Variants in HECW2 observed in about 807,000 individuals in gnomAD.
HECW2 encodes the protein E3 ubiquitin-protein ligase HECW2.
A neutral mutation model predicts 175.2 loss-of-function variants in HECW2; 61 were observed. The observed-to-expected ratio is 0.35, with a 90% confidence interval of 0.28 to 0.43. The LOEUF (loss-of-function observed/expected upper bound fraction) is 0.43, where lower values mean the gene tolerates loss of function less well. Ranked by LOEUF, HECW2 falls within the 20% of genes least tolerant of loss-of-function variation. HECW2 has a pLI of 1.00. For missense variants in HECW2, 1,524 were observed against 2,000.5 expected (o/e 0.76, Z 4.54); for synonymous variants, 671 against 731.0 (o/e 0.92, Z 1.32).
intron 2 of HECW2, among the ~76,000 whole-genome samples, chr2:196,347,731 GCCTTC>G (rs1319899740): frequency 6.6e-6 from 1 of 152,198 alleles, no homozygotes; most frequent in Non-Finnish European, 1.5e-5. Context: ...CCATCCTTTG[GCCTTC>G]ATAAGGAAGG....
chr2:196,352,971 C>T (rs894103945), intron 2 of HECW2, among the ~76,000 whole-genome samples: 1 of 152,218 alleles, frequency 6.6e-6, no homozygotes, highest in Admixed American at 6.5e-5. Context: ...TGTCTCTCTT[C>T]TGTTCAGTGG....
In HECW2 at chr2:196,477,320, T is replaced by A. The variant is rs185149303; in HGVS notation, c.-35-43862A>T. ...AATTTGGTCTATTCAATTCATCAAA[T>A]TGCTGCCATTAAAAAACATCAAACT... On this transcript the variant is annotated intron_variant, in intron 1 of 28. Coordinates refer to ENST00000644978, the MANE Select transcript of HECW2 (RefSeq NM_001348768.2). Among the ~76,000 whole-genome samples, 90 of 152,330 alleles carry A rather than the reference T, an allele frequency of 5.9e-4. No individual in the cohort carries two copies. In the East Asian group the frequency reaches 9.3e-3, roughly 16 times the overall value.
At chr2:196,378,812 A>G (rs1694121789) in intron 2 of HECW2, among the ~76,000 whole-genome samples, 1 of 152,208 alleles carries the variant, frequency 6.6e-6, no homozygotes, top group South Asian at 2.1e-4. Context: ...AAAACATTAG[A>G]CAAAAAAATC....
intron 1 of HECW2, among the ~76,000 whole-genome samples, chr2:196,473,055 A>G (rs1349019640): frequency 6.6e-6 from 1 of 152,256 alleles, no homozygotes; most frequent in African/African-American, 2.4e-5. Context: ...CCACACTCCC[A>G]TAATAGATAA....
chr2:196,541,177 T>A (rs979265411), intron 1 of HECW2, among the ~76,000 whole-genome samples: 3 of 152,118 alleles, frequency 2.0e-5, no homozygotes, highest in Admixed American at 6.6e-5. Context: ...TCTGTACCTA[T>A]CAGCTGGGTT....
chr2:196,300,456 A>C (rs1691002489), intron 13 of HECW2, among the ~76,000 whole-genome samples: 1 of 152,246 alleles, frequency 6.6e-6, no homozygotes, highest in Non-Finnish European at 1.5e-5. Context: ...TGTAAGTCTA[A>C]TATTCAAAAA....
chr2:196,489,342 A>C (rs1422703364), intron 1 of HECW2, among the ~76,000 whole-genome samples: 1 of 152,216 alleles, frequency 6.6e-6, no homozygotes, highest in East Asian at 1.9e-4. Flanking sequence ...TTTCTGCAAC[A>C]AAGTACTGTT....
chr2:196,324,033 C>G (rs1195777297), intron 6 of HECW2, among the ~76,000 whole-genome samples: 5 of 150,520 alleles, frequency 3.3e-5, no homozygotes, highest in African/African-American at 1.2e-4. Context: ...GGAGAAATGC[C>G]TTGCTGTGTT....
intron 17 of HECW2, chr2:196,260,371 C>A (rs970485664): frequency 6.6e-6 from 1 of 152,140 alleles, no homozygotes; most frequent in Non-Finnish European, 1.5e-5. Flanking sequence ...TACATCACAC[C>A]AGTAAGTACT....
At chr2:196,258,453 G>T (rs544803541) in intron 17 of HECW2, among the ~76,000 whole-genome samples, 2 of 152,148 alleles carry the variant, frequency 1.3e-5, no homozygotes, top group Admixed American at 6.5e-5. Flanking sequence ...TTTAAATAAA[G>T]AAAAAACTGA....
chr2:196,321,437 C>A (rs1691938633), intron 7 of HECW2, among the ~76,000 whole-genome samples: 1 of 139,344 alleles, frequency 7.2e-6, no homozygotes. Context: ...GCCCGGGTTG[C>A]CTAGGTTGGA....
chr2:196,374,885 G>A (rs532943300), intron 2 of HECW2, among the ~76,000 whole-genome samples: 12 of 151,788 alleles, frequency 7.9e-5, no homozygotes, highest in South Asian at 4.2e-4. Context: ...AGTTTTGGCC[G>A]GGCGCAGTGG....
At chr2:196,381,963 A>G (rs2105922826) in intron 2 of HECW2, among the ~76,000 whole-genome samples, 1 of 152,322 alleles carries the variant, frequency 6.6e-6, no homozygotes, top group Admixed American at 6.5e-5. Flanking sequence ...AATGTCCACT[A>G]CTTAACCCAT....
At chr2:196,583,239 T>C (rs1449167800) in intron 1 of HECW2, among the ~76,000 whole-genome samples, 3 of 152,160 alleles carry the variant, frequency 2.0e-5, no homozygotes, top group African/African-American at 7.2e-5. Flanking sequence ...CCTGCAGAGG[T>C]ATCTTCTGGC....
chr2:196,324,913 C>T (rs1692089002), intron 6 of HECW2, 67 bp downstream of exon 6: 33 of 1,358,446 alleles, frequency 2.4e-5, no homozygotes, highest in Non-Finnish European at 3.0e-5. Context: ...GCAAAAGTCT[C>T]AAGGAAAGAG....
At chr2:196,590,039 C>T (rs760984162) in intron 1 of HECW2, among the ~76,000 whole-genome samples, 5 of 151,964 alleles carry the variant, frequency 3.3e-5, no homozygotes, top group Admixed American at 6.6e-5. Context: ...TTCTGATTTT[C>T]TAGCTTTGCA....
chr2:196,427,797 T>TGA (rs1299834480), intron 2 of HECW2, among the ~76,000 whole-genome samples: 1 of 152,172 alleles, frequency 6.6e-6, no homozygotes, highest in East Asian at 1.9e-4. Flanking sequence ...AGGGTGTATA[T>TGA]GAGGCTTTCT....
chr2:196,579,711 A>G (rs1690698653), intron 1 of HECW2, among the ~76,000 whole-genome samples: 1 of 152,196 alleles, frequency 6.6e-6, no homozygotes, highest in South Asian at 2.1e-4. Context: ...AAATGAGGCC[A>G]TTAGTATAGA....
chr2:196,428,787 C>A (rs1695621429), intron 2 of HECW2, among the ~76,000 whole-genome samples: 1 of 152,204 alleles, frequency 6.6e-6, no homozygotes, highest in African/African-American at 2.4e-5. Context: ...CATTCTTTAT[C>A]TTGCCTTTAA....
Sources: allele counts gnomAD v4.1 joint callset (sites outside exome capture counted in the v4.1 genomes callset), GRCh38; gene constraint gnomAD v4.1.1; transcripts MANE v1.5; gene names NCBI Gene and HGNC (gene_info 2026-07-23, HGNC 2026-07-21).